Variants in DIP2C observed in about 807,000 individuals in gnomAD.
DIP2C encodes DIP2 acetate--CoA ligase C (putative), also known as disco-interacting protein 2 homolog C.
A neutral mutation model predicts 192.4 loss-of-function variants in DIP2C; 33 were observed. The observed-to-expected ratio is 0.17, with a 90% CI of 0.13 to 0.23. The LOEUF (loss-of-function observed/expected upper bound fraction) is 0.23. DIP2C is among the 10% of genes least tolerant of loss of function. The pLI is 1.00. For missense variants in DIP2C, 1,537 were observed against 2,110.1 expected, an observed-to-expected ratio of 0.73 and a Z score of 5.32; for synonymous variants, 979 against 864.1, an observed-to-expected ratio of 1.13 and a Z score of -2.33.
intron 17 of DIP2C, among the ~76,000 whole-genome samples, chr10:377,229 T>C (rs1001106258): frequency 1.8e-4 from 27 of 152,170 alleles, no homozygotes; most frequent in African/African-American, 6.5e-4. Context: ...ATAAACTTTT[T>C]TACAAACTCT....
In DIP2C at chr10:484,720, G is replaced by A. The variant is rs545562896; in HGVS notation, c.157+1739C>T. 173 of 1,558,948 alleles carry A rather than the reference G, an allele frequency of 1.1e-4. 1 individual carries two copies. In the African/African-American group the frequency reaches 2.2e-3, roughly 20 times the overall value. ...CGTCTGTACGGGATGGCACTCGGCG[G>A]GTGGCCCTTTTCTAATGTGTACCCT... is the stretch of plus-strand genomic sequence containing the variant. On this transcript the variant is annotated intron_variant, in intron 2 of 36. Coordinates refer to ENST00000280886, the MANE Select transcript of DIP2C (RefSeq NM_014974.3).
intron 1 of DIP2C, among the ~76,000 whole-genome samples, chr10:583,112 AAC>A (rs908654473): frequency 3.9e-5 from 6 of 152,190 alleles, no homozygotes; most frequent in Non-Finnish European, 8.8e-5. Flanking sequence ...TATCCCCCAC[AAC>A]ACACAGAGAA....
chr10:461,363 C>CA (rs754300041), intron 3 of DIP2C, among the ~76,000 whole-genome samples: 1 of 151,450 alleles, frequency 6.6e-6, no homozygotes, highest in Non-Finnish European at 1.5e-5. Context: ...ATTTACAAAG[C>CA]AAAAAAAGCA....
chr10:494,444 G>C (rs1437398553), intron 1 of DIP2C, among the ~76,000 whole-genome samples: 1 of 152,164 alleles, frequency 6.6e-6, no homozygotes, highest in Non-Finnish European at 1.5e-5. Context: ...CCCTCACCCA[G>C]AGTCTGACTT....
At position 399,118 on chromosome 10, in the gene DIP2C, G is replaced by C. The variant is rs1255452099; in HGVS notation, c.1251C>G (p.Leu417=). ...EVVPVPIEVP[L]TRKDAGSQQI... The stretch of plus-strand genomic sequence containing the variant: ...AGGGCGCATTCCTTACCTTCCTGGT[G>C]AGCGGCACCTCGATGGGCACGGGGA... The change falls in exon 10 of 37, where the codon CTC becomes CTG. Residue 417 remains leucine (L), a synonymous_variant. Transcript: ENST00000280886. 13 of 1,613,542 alleles carry C rather than the reference G, an allele frequency of 8.1e-6. No individual in the cohort carries two copies. The highest frequency in any genetic ancestry group is 1.1e-5 in the Non-Finnish European group (13 of 1,179,884).
At chr10:285,872 T>A (rs920983831) in intron 34 of DIP2C, among the ~76,000 whole-genome samples, 26 of 152,256 alleles carry the variant, frequency 1.7e-4, no homozygotes, top group Non-Finnish European at 3.5e-4. Context: ...GGCTACTGTG[T>A]CCTGATGCTG....
intron 1 of DIP2C, among the ~76,000 whole-genome samples, chr10:639,216 G>A (rs1358280800): frequency 5.4e-5 from 8 of 148,726 alleles, no homozygotes; most frequent in African/African-American, 1.0e-4. Flanking sequence ...GGTGCTGCCC[G>A]GCTCACGGTC....
intron 2 of DIP2C, among the ~76,000 whole-genome samples, chr10:481,377 T>C (rs747430150): frequency 2.0e-5 from 3 of 152,214 alleles, no homozygotes; most frequent in Non-Finnish European, 4.4e-5. Flanking sequence ...TGGGAGAATC[T>C]GCAACGGGAC....
chr10:594,200 G>A (rs573829164), intron 1 of DIP2C, among the ~76,000 whole-genome samples: 13 of 152,292 alleles, frequency 8.5e-5, no homozygotes, highest in Non-Finnish European at 1.3e-4. Flanking sequence ...CACAGACCTC[G>A]GTTAAGTCAG....
chr10:409,154 C>CTGAGCAAAGGGGGAACTGGTAGG, intron 8 of DIP2C, 137 bp from the exon 9 acceptor site: 1 of 731,088 alleles, frequency 1.4e-6, no homozygotes, highest in Non-Finnish European at 2.2e-6. Context: ...GTGGGGGCAG[C>CTGAGCAAAGGGGGAACTGGTAGG]TGAGCAAAGG....
chr10:406,482 G>A (rs1964815261), intron 9 of DIP2C, among the ~76,000 whole-genome samples: 1 of 152,190 alleles, frequency 6.6e-6, no homozygotes, highest in African/African-American at 2.4e-5. Flanking sequence ...CCACTCTTGT[G>A]AAAATGATAA....
chr10:289,045 C>T (rs1955323517), intron 32 of DIP2C, among the ~76,000 whole-genome samples: 1 of 152,266 alleles, frequency 6.6e-6, no homozygotes, highest in Admixed American at 6.5e-5. Context: ...TATTTTGAGG[C>T]CTTCACTACT....
At chr10:627,453 C>T (rs1854267765) in intron 1 of DIP2C, among the ~76,000 whole-genome samples, 2 of 152,206 alleles carry the variant, frequency 1.3e-5, no homozygotes, top group Admixed American at 1.3e-4. Flanking sequence ...AAGGAAAAAG[C>T]GGGCATCTTC....
chr10:627,473 T>C (rs1247546805), intron 1 of DIP2C, among the ~76,000 whole-genome samples: 3 of 152,214 alleles, frequency 2.0e-5, no homozygotes, highest in Non-Finnish European at 2.9e-5. Context: ...CTTGGCAACC[T>C]CGCGACATCC....
At chr10:516,046 C>T (rs981083078) in intron 1 of DIP2C, among the ~76,000 whole-genome samples, 13 of 151,290 alleles carry the variant, frequency 8.6e-5, no homozygotes, top group South Asian at 2.1e-4. Context: ...AGATCTAGTC[C>T]AGTGGGATGG....
chr10:371,706 C>A (rs1454803225), intron 17 of DIP2C, among the ~76,000 whole-genome samples: 1 of 151,876 alleles, frequency 6.6e-6, no homozygotes, highest in Admixed American at 6.6e-5. Flanking sequence ...TGGGGTGAGG[C>A]CTGGGCTGAG....
At position 323,417 on chromosome 10, in the gene DIP2C, C is replaced by T. The variant is rs370605256; in HGVS notation, c.3924+3589G>A. On this transcript the variant is annotated intron_variant, in intron 31 of 36. Coordinates refer to ENST00000280886, the MANE Select transcript of DIP2C (RefSeq NM_014974.3). ...GCGGGGCTCCGGCGAGAGACCGGCG[C>T]TGTTAGAACAGTCAGTCGGGGGTGC... Among the ~76,000 whole-genome samples the T allele has an allele frequency of 4.2e-3, 313 of 74,790 alleles. 23 individuals are homozygous for T. Among genetic ancestry groups the T allele is most frequent in the African/African-American group, 0.016 (238 of 15,076 alleles). 49.1% of individuals were successfully genotyped at this position (74,790 alleles called of 152,430 possible). A position where few individuals can be genotyped will look rare whatever the true frequency, so the allele number is the denominator to read the frequency against.
chr10:604,137 A>AC (rs1463817357), intron 1 of DIP2C, among the ~76,000 whole-genome samples: 1 of 151,512 alleles, frequency 6.6e-6, no homozygotes, highest in East Asian at 1.9e-4. Context: ...AGGACACTGG[A>AC]CCCACCTGGA....
chr10:575,807 G>A (rs779239825), intron 1 of DIP2C, among the ~76,000 whole-genome samples: 5 of 152,220 alleles, frequency 3.3e-5, no homozygotes, highest in Admixed American at 2.6e-4. Flanking sequence ...ACCCAACTAG[G>A]AAGCGCAAGG....
Sources: allele counts gnomAD v4.1 joint callset (sites outside exome capture counted in the v4.1 genomes callset), GRCh38; gene constraint gnomAD v4.1.1; transcripts MANE v1.5; gene names NCBI Gene and HGNC (gene_info 2026-07-23, HGNC 2026-07-21).